Variants in DENND1A observed in about 807,000 individuals in gnomAD.
The protein encoded by DENND1A is DENN domain containing 1A, also known as DENN domain-containing protein 1A.
In DENND1A, 51 loss-of-function variants were observed where a neutral mutation model predicts 113.7. The observed-to-expected ratio is 0.45, with a 90% CI of 0.36 to 0.57. DENND1A has a LOEUF of 0.57. Among genes scored for constraint, DENND1A ranks in the 20% least tolerant of loss-of-function variants. The probability of loss-of-function intolerance (pLI) is 0.00; values close to 1 mark genes in which losing one functional copy is unlikely to be tolerated. For missense variants in DENND1A, 1,258 were observed against 1,395.9 expected (o/e 0.90, Z 1.57); for synonymous variants, 565 against 570.8 (o/e 0.99, Z 0.14).
At chr9:123,580,932 T>C (rs1215973689) in intron 12 of DENND1A, among the ~76,000 whole-genome samples, 1 of 152,116 alleles carries the variant, frequency 6.6e-6, no homozygotes, top group African/African-American at 2.4e-5. Context: ...GTGCCCCTAA[T>C]CACCTACAGG....
At chr9:123,768,775 G>A (rs1186462951) in intron 4 of DENND1A, among the ~76,000 whole-genome samples, 1 of 144,174 alleles carries the variant, frequency 6.9e-6, no homozygotes, top group Non-Finnish European at 1.5e-5. Context: ...TATTAATATA[G>A]TTAATACATT....
chr9:123,445,318 C>T lies in DENND1A; in HGVS notation c.1357-4827G>A, dbSNP rs534580998. ...GAGTAGAGCCCCAGGCCCAGGGAGG[C>T]AGACAGCAGGGCCTGCTGCGGCCCA... is the stretch of plus-strand genomic sequence containing the variant. On this transcript the variant is annotated intron_variant, in intron 18 of 23. Coordinates refer to ENST00000394215, the MANE Select transcript of DENND1A (RefSeq NM_001352964.2). Among the ~76,000 whole-genome samples, 9 of 152,348 alleles carry T rather than the reference C, an allele frequency of 5.9e-5. No homozygotes were observed. The South Asian group carries it at 6.2e-4, about 11-fold the overall frequency.
rs538903235 is a variant in DENND1A at position 123,802,892 on chromosome 9, G to A, written c.89-10262C>T. ...TAATTTTGTACTTTTAGTAGAGTCG[G>A]GGTTTCTCTGTGTTGGTCAGGCTGG... On this transcript the variant is annotated intron_variant, in intron 2 of 23. Coordinates refer to ENST00000394215, the MANE Select transcript of DENND1A (RefSeq NM_001352964.2). 3.3e-5 allele frequency among the ~76,000 whole-genome samples: 5 copies of A among 152,102 alleles called. No homozygotes were observed. The South Asian group carries it at 1.0e-3, about 32-fold the overall frequency.
At chr9:123,895,339 G>A (rs577708242) in intron 1 of DENND1A, among the ~76,000 whole-genome samples, 2 of 152,106 alleles carry the variant, frequency 1.3e-5, no homozygotes, top group East Asian at 1.9e-4. Flanking sequence ...ACAAAGATTC[G>A]GTCGGGTATG....
intron 2 of DENND1A, among the ~76,000 whole-genome samples, chr9:123,858,058 CAAA>C (rs1230079039): frequency 7.8e-5 from 4 of 51,070 alleles, no homozygotes; most frequent in Non-Finnish European, 8.2e-5. Flanking sequence ...GACTCCGTCT[CAAA>C]AAAAAAAAAA....
At chr9:123,773,241 C>T (rs529003967) in intron 3 of DENND1A, among the ~76,000 whole-genome samples, 2 of 152,270 alleles carry the variant, frequency 1.3e-5, no homozygotes, top group Non-Finnish European at 2.9e-5. Flanking sequence ...ATCTACAAAG[C>T]TCTGCCCACA....
chr9:123,708,865 C>T (rs1424630270), intron 5 of DENND1A, among the ~76,000 whole-genome samples: 2 of 152,220 alleles, frequency 1.3e-5, no homozygotes, highest in Non-Finnish European at 2.9e-5. Context: ...CTTAAGAAAA[C>T]ACCACTTGAT....
chr9:123,916,811 CAATATA>C (rs1181512424), intron 1 of DENND1A, among the ~76,000 whole-genome samples: 3 of 152,080 alleles, frequency 2.0e-5, no homozygotes, highest in Non-Finnish European at 4.4e-5. Context: ...GGCTTTGAAA[CAATATA>C]AATATTTTAA....
intron 10 of DENND1A, among the ~76,000 whole-genome samples, chr9:123,615,892 T>C (rs1410772766): frequency 6.6e-6 from 1 of 152,180 alleles, no homozygotes; most frequent in African/African-American, 2.4e-5. Context: ...AGCCACCTTA[T>C]CTCATTTAAT....
Position 123,764,299 on chromosome 9 carries a change from G to T in DENND1A, c.182+5215C>A, listed in dbSNP as rs998294161. 1.3e-5 allele frequency among the ~76,000 whole-genome samples: 2 copies of T among 152,106 alleles called. No homozygotes were observed. Among genetic ancestry groups the T allele is most frequent in the Non-Finnish European group, 2.9e-5 (2 of 68,018 alleles). The stretch of plus-strand genomic sequence containing the variant: ...TCAAGAGATAGAACTGAAGCATTTT[G>T]TCCCCCTCTATGTATTATAGCTTAC... On this transcript the variant is annotated intron_variant, in intron 4 of 23. Transcript: ENST00000394215. The surrounding 1 kb of genome is among the most constrained non-coding windows in gnomAD (Gnocchi z 4.1).
At chr9:123,551,826 C>T (rs547780595) in intron 13 of DENND1A, among the ~76,000 whole-genome samples, 9 of 152,262 alleles carry the variant, frequency 5.9e-5, no homozygotes, top group South Asian at 2.1e-4. Context: ...CCAACAAACC[C>T]GCAGAAAGCA....
chr9:123,813,673 G>C (rs939877269), intron 2 of DENND1A, among the ~76,000 whole-genome samples: 5 of 151,950 alleles, frequency 3.3e-5, no homozygotes, highest in African/African-American at 1.2e-4. Flanking sequence ...CCAAAGAAAA[G>C]CACAAAGAAT....
At chr9:123,745,809 A>G (rs2069449430) in intron 5 of DENND1A, among the ~76,000 whole-genome samples, 1 of 152,228 alleles carries the variant, frequency 6.6e-6, no homozygotes, top group Non-Finnish European at 1.5e-5. Context: ...ATAAAAATAA[A>G]TGAAAATTAC....
At chr9:123,487,327 G>T (rs2050971359) in intron 13 of DENND1A, among the ~76,000 whole-genome samples, 1 of 152,206 alleles carries the variant, frequency 6.6e-6, no homozygotes, top group Admixed American at 6.5e-5. Flanking sequence ...GTTTAACCAA[G>T]TCTAGGGCCC....
At chr9:123,794,702 G>A (rs1833514543) in intron 2 of DENND1A, among the ~76,000 whole-genome samples, 1 of 151,964 alleles carries the variant, frequency 6.6e-6, no homozygotes, top group South Asian at 2.1e-4. Flanking sequence ...TTATTCCTAG[G>A]TGGCAGATGC....
At chr9:123,753,415 A>T (rs936170944) in intron 5 of DENND1A, among the ~76,000 whole-genome samples, 1 of 152,260 alleles carries the variant, frequency 6.6e-6, no homozygotes, top group Non-Finnish European at 1.5e-5. Flanking sequence ...AAATTTTAAA[A>T]TACAGATGGC....
At chr9:123,818,968 A>G in intron 2 of DENND1A, among the ~76,000 whole-genome samples, 1 of 152,238 alleles carries the variant, frequency 6.6e-6, no homozygotes, top group South Asian at 2.1e-4. Flanking sequence ...TCAAAGTGTC[A>G]TCCGTAGGCC....
intron 6 of DENND1A, among the ~76,000 whole-genome samples, chr9:123,674,841 CTTTTTTT>C (rs11327678): frequency 3.8e-5 from 5 of 132,346 alleles, no homozygotes; most frequent in Non-Finnish European, 6.4e-5. Context: ...GTTTTTTTCT[CTTTTTTT>C]TTTTTTTTTG....
chr9:123,628,852 C>T (rs2061356096), intron 10 of DENND1A, among the ~76,000 whole-genome samples: 1 of 152,082 alleles, frequency 6.6e-6, no homozygotes, highest in Non-Finnish European at 1.5e-5. Flanking sequence ...ACATATTGCC[C>T]CTTAATCTCA....
Sources: allele counts gnomAD v4.1 joint callset (sites outside exome capture counted in the v4.1 genomes callset), GRCh38; gene constraint gnomAD v4.1.1; non-coding constraint Gnocchi (gnomAD v3.1); transcripts MANE v1.5; gene names NCBI Gene and HGNC (gene_info 2026-07-23, HGNC 2026-07-21).